The following SLC51A variants were observed in gnomAD, a reference collection of about 807,000 sequenced individuals.
The protein encoded by SLC51A is solute carrier family 51 member A, also known as organic solute transporter subunit alpha.
SLC51A carries 22 observed loss-of-function variants against 34.8 expected under a neutral mutation model. That is an observed-to-expected ratio of 0.63 (90% CI 0.45 to 0.90). The LOEUF is 0.90. Ranked by LOEUF, SLC51A falls within the 40% of genes least tolerant of loss-of-function variation. The pLI, the probability that SLC51A is intolerant of heterozygous loss-of-function variation, is 0.00. For missense variants in SLC51A, 371 were observed against 414.8 expected (o/e 0.89, Z 0.92); for synonymous variants, 181 against 176.3 (o/e 1.03, Z -0.21).
chr3:196,224,728 GGGGAGGAGAGGGGAGAGGGGAGGGAAT>G (rs1723853928), intron 2 of SLC51A, among the ~76,000 whole-genome samples: 1 of 115,438 alleles, frequency 8.7e-6, no homozygotes, highest in African/African-American at 3.1e-5. Flanking sequence ...GGGGAGGAGA[GGGGAGGAGAGGGGAGAGGGGAGGGAAT>G]GGGAGAGGGG....
intron 2 of SLC51A, 103 bp from the exon 3 acceptor site, chr3:196,226,862 G>T: frequency 8.8e-7 from 1 of 1,141,546 alleles, no homozygotes; most frequent in Non-Finnish European, 1.2e-6. Context: ...CCTGTGCACG[G>T]GTGGGAGCCT....
chr3:196,227,803 G>A (rs1226209935), intron 4 of SLC51A, 66 bp downstream of exon 4: 19 of 1,447,020 alleles, frequency 1.3e-5, no homozygotes, highest in Admixed American at 3.8e-5. Flanking sequence ...ACTCGAGTCC[G>A]TGTCCTTGAT....
At position 196,228,003 on chromosome 3, in the gene SLC51A, C is replaced by T; in HGVS notation, c.363-112C>T. On this transcript the variant is annotated intron_variant, in intron 4 of 8. Transcript: ENST00000296327. The surrounding 1 kb of genome is among the most constrained non-coding windows in gnomAD (Gnocchi z 4.9). ...CTCCTCTCCCTCGCCCCTCTTGGGT[C>T]ACACACCCAGAACGCCCAGCCCTAG... 1 of 1,419,682 alleles carries T rather than the reference C, an allele frequency of 7.0e-7. No individual in the cohort carries two copies. Among genetic ancestry groups the T allele is most frequent in the Non-Finnish European group, 9.6e-7 (1 of 1,038,626 alleles). 87.9% of individuals were successfully genotyped at this position (1,419,682 alleles called of 1,614,324 possible).
chr3:196,216,611 A>AC lies in SLC51A; in HGVS notation c.-98dup. 1.1e-6 allele frequency: 1 copy of AC among 913,452 alleles called. No homozygotes were observed. The highest frequency in any genetic ancestry group is 2.2e-5 in the Admixed American group (1 of 44,836). The allele number at this position is 913,452 out of a possible 1,614,324, so 56.6% of individuals were successfully genotyped here. A position where few individuals can be genotyped will look rare whatever the true frequency, so the allele number is the denominator to read the frequency against. On this transcript the variant is annotated 5_prime_UTR_variant, in exon 1 of 9. Transcript: ENST00000296327. The surrounding 1 kb of genome is among the most constrained non-coding windows in gnomAD (Gnocchi z 4.5). ...GACTCTGCAATTCTGCTTGCCCCCC[A>AC]CCCCGGCCCAGGCAAGCCACCCTGC...
Position 196,227,673 on chromosome 3 carries a change from G to T in SLC51A, c.298G>T (p.Val100Leu). The T allele has an allele frequency of 6.2e-7, 1 of 1,613,952 alleles. No individual in the cohort carries two copies. Among genetic ancestry groups the T allele is most frequent in the Non-Finnish European group, 8.5e-7 (1 of 1,179,988 alleles). The change falls in exon 4 of 9, where the codon GTG becomes TTG. Residue 100 changes from valine (V) to leucine (L), a missense_variant. Coordinates refer to ENST00000296327, the MANE Select transcript of SLC51A (RefSeq NM_152672.6). ...WKSSAPTVVS[V>L]LCCFGLWIPR... ...TGCCCCTTCTGAGCAGGTGGTGTCT[G>T]TGCTGTGCTGCTTTGGTCTCTGGAT...
Position 196,216,633 on chromosome 3 carries a change from CTG to C in SLC51A, c.-79_-78del. 1 of 1,459,826 alleles carries C rather than the reference CTG, an allele frequency of 6.9e-7. No individual in the cohort carries two copies. Among genetic ancestry groups the C allele is most frequent in the Non-Finnish European group, 9.4e-7 (1 of 1,068,376 alleles). 90.4% of individuals were successfully genotyped at this position (1,459,826 alleles called of 1,614,324 possible). The stretch of plus-strand genomic sequence containing the variant: ...CCCACCCCGGCCCAGGCAAGCCACC[CTG>C]CCCCCGGCCCCCACCTGCCCGCCCC... On this transcript the variant is annotated 5_prime_UTR_variant, in exon 1 of 9. Coordinates refer to ENST00000296327, the MANE Select transcript of SLC51A (RefSeq NM_152672.6). This position sits in a 1 kb window ranked among gnomAD's most constrained non-coding sequence, Gnocchi z 4.5.
At chr3:196,230,283 G>A (rs1724001559) in intron 7 of SLC51A, among the ~76,000 whole-genome samples, 1 of 152,086 alleles carries the variant, frequency 6.6e-6, no homozygotes, top group Non-Finnish European at 1.5e-5. Flanking sequence ...AAATCAGATG[G>A]CTTAAAACAA....
chr3:196,229,952 T>G lies in SLC51A; in HGVS notation c.671T>G (p.Phe224Cys), dbSNP rs759366337. ...EGSTALWINT[F>C]LGVSTLLALW... ...AGCACAGCTCTATGGATCAACACTT[T>G]CCTTGGCGTGTCCACACTGCTGGCT... The change falls in exon 7 of 9, where the codon TTC (phenylalanine) becomes TGC (cysteine). Residue 224 changes from phenylalanine to cysteine, a missense_variant. Coordinates refer to ENST00000296327, the MANE Select transcript of SLC51A (RefSeq NM_152672.6). The G allele has an allele frequency of 9.3e-6, 15 of 1,613,420 alleles. No individual in the cohort carries two copies. Among genetic ancestry groups the G allele is most frequent in the Non-Finnish European group, 1.3e-5 (15 of 1,179,688 alleles).
In SLC51A at chr3:196,227,065, C is replaced by A. The variant is rs1240071100; in HGVS notation, c.234C>A (p.Asn78Lys). The A allele has an allele frequency of 6.2e-7, 1 of 1,614,030 alleles. No individual in the cohort carries two copies. ...FLEDAVYLYK[N>K]TLCPIKRRTL... is the part of the protein sequence containing the mutation. ...AGGATGCCGTCTACCTGTACAAGAA[C>A]ACCCTTTGCCCCATCAAGAGGCGGA... Residue 78 changes from asparagine to lysine, a missense_variant, in exon 3 of 9, where the codon AAC becomes AAA. By Grantham distance (94) the Asn-to-Lys change is moderately conservative. Transcript: ENST00000296327.
chr3:196,232,559 T>A, intron 8 of SLC51A, 35 bp downstream of exon 8: 1 of 1,533,340 alleles, frequency 6.5e-7, no homozygotes, highest in Non-Finnish European at 9.0e-7. Context: ...CATCGTGGGA[T>A]GGATGAGACG....
At chr3:196,227,238 G>A in intron 3 of SLC51A, 119 bp downstream of exon 3, 1 of 1,122,452 alleles carries the variant, frequency 8.9e-7, no homozygotes, top group Non-Finnish European at 1.3e-6. Context: ...GACCCGCGGA[G>A]GGCCGAGGTT....
chr3:196,227,195 A>C (rs1016163182), intron 3 of SLC51A, 76 bp downstream of exon 3: 5 of 1,031,288 alleles, frequency 4.8e-6, no homozygotes, highest in African/African-American at 1.7e-5. Flanking sequence ...CTCTAAACTC[A>C]GCACGTCACT....
At chr3:196,229,796 T>G in intron 6 of SLC51A, 119 bp from the exon 7 acceptor site, 49 of 1,204,632 alleles carry the variant, frequency 4.1e-5, no homozygotes, top group Non-Finnish European at 5.1e-5. Context: ...GATGCTGCAG[T>G]GAGCTATCAT....
chr3:196,223,567 C>T lies in SLC51A; in HGVS notation c.134-3398C>T, dbSNP rs115642622. 5.9e-3 allele frequency among the ~76,000 whole-genome samples: 902 copies of T among 151,808 alleles called. 9 individuals are homozygous for T. Among genetic ancestry groups the T allele is most frequent in the African/African-American group, 0.021 (870 of 41,504 alleles). On this transcript the variant is annotated intron_variant, in intron 2 of 8. Coordinates refer to ENST00000296327, the MANE Select transcript of SLC51A (RefSeq NM_152672.6). The stretch of plus-strand genomic sequence containing the variant: ...CGCTCTCCAAGGGCTGATGAGCACA[C>T]GGGGCTGGGGGTAAGAGAGGCTCTA...
At chr3:196,232,381 G>A (rs1226596735) in intron 7 of SLC51A, 38 bp from the exon 8 acceptor site, 36 of 1,547,044 alleles carry the variant, frequency 2.3e-5, no homozygotes, top group Non-Finnish European at 3.0e-5. Context: ...CGTGAGGGCA[G>A]GCCCAGTCCA....
At chr3:196,224,772 G>C (rs1238229539) in intron 2 of SLC51A, among the ~76,000 whole-genome samples, 3 of 135,654 alleles carry the variant, frequency 2.2e-5, no homozygotes, top group Non-Finnish European at 4.8e-5. Flanking sequence ...GGGGAGGGGA[G>C]GGGAGGGGAG....
chr3:196,229,861 G>T, intron 6 of SLC51A, 54 bp from the exon 7 acceptor site: 2 of 1,504,342 alleles, frequency 1.3e-6, no homozygotes, highest in Admixed American at 2.0e-5. Flanking sequence ...TTGAAAGAGA[G>T]AGAGAGAGAG....
intron 6 of SLC51A, among the ~76,000 whole-genome samples, chr3:196,229,324 C>A (rs1410788887): frequency 6.6e-6 from 1 of 151,124 alleles, no homozygotes; most frequent in Non-Finnish European, 1.5e-5. Flanking sequence ...GTGGGAGGAT[C>A]ACTTGAAGCC....
At chr3:196,226,403 G>A (rs1723893966) in intron 2 of SLC51A, 1 of 152,178 alleles carries the variant, frequency 6.6e-6, no homozygotes, top group Non-Finnish European at 1.5e-5. Context: ...GATCCAGAAT[G>A]TCCCATAAAT....
Sources: allele counts gnomAD v4.1 joint callset (sites outside exome capture counted in the v4.1 genomes callset), GRCh38; gene constraint gnomAD v4.1.1; non-coding constraint Gnocchi (gnomAD v3.1); transcripts MANE v1.5; gene names NCBI Gene and HGNC (gene_info 2026-07-23, HGNC 2026-07-21).